The following MAP3K20 variants were observed in gnomAD, a reference collection of about 807,000 sequenced individuals.
The protein encoded by MAP3K20 is HCCS-4.
In MAP3K20, 40 loss-of-function variants were observed where a neutral mutation model predicts 85.7. That is an observed-to-expected ratio of 0.47 (90% CI 0.36 to 0.61). The LOEUF (loss-of-function observed/expected upper bound fraction) is 0.61, where lower values mean the gene tolerates loss of function less well. MAP3K20 is among the 20% of genes least tolerant of loss of function. The probability of loss-of-function intolerance (pLI) is 0.00; values close to 1 mark genes in which losing one functional copy is unlikely to be tolerated. For missense variants in MAP3K20, 817 were observed against 961.7 expected, an observed-to-expected ratio of 0.85 and a Z score of 1.99; for synonymous variants, 325 against 327.7, an observed-to-expected ratio of 0.99 and a Z score of 0.09.
intron 14 of MAP3K20, among the ~76,000 whole-genome samples, chr2:173,236,361 T>G (rs1009501034): frequency 6.6e-6 from 1 of 150,562 alleles, no homozygotes; most frequent in African/African-American, 2.4e-5. Flanking sequence ...AAAAGCCCTG[T>G]TGGAAGCAGC....
At chr2:173,247,752 TGATA>T (rs1254036432) in intron 16 of MAP3K20, among the ~76,000 whole-genome samples, 3 of 152,134 alleles carry the variant, frequency 2.0e-5, no homozygotes, top group Admixed American at 6.5e-5. Context: ...CTTTTGGAAG[TGATA>T]GATAAATGTT....
intron 2 of MAP3K20, among the ~76,000 whole-genome samples, chr2:173,125,510 G>GT (rs34139392): frequency 0.064 from 9,601 of 149,512 alleles, 593 homozygotes; most frequent in African/African-American, 0.17. Context: ...TGTTAGATGT[G>GT]TTTTTTTTTT....
intron 8 of MAP3K20, among the ~76,000 whole-genome samples, chr2:173,200,232 T>C (rs1691002900): frequency 6.6e-6 from 1 of 152,188 alleles, no homozygotes; most frequent in Non-Finnish European, 1.5e-5. Flanking sequence ...AGTTTCAACA[T>C]CATCATTTAA....
chr2:173,126,352 G>C (rs111867517), intron 2 of MAP3K20, among the ~76,000 whole-genome samples: 2 of 151,928 alleles, frequency 1.3e-5, no homozygotes, highest in African/African-American at 4.8e-5. Flanking sequence ...ACAAAGTAAC[G>C]ATGAATTTTT....
At chr2:173,226,425 A>G in intron 11 of MAP3K20, 1 of 985,488 alleles carries the variant, frequency 1.0e-6, no homozygotes, top group Non-Finnish European at 1.2e-6. Context: ...AATTTTCTAT[A>G]ATCAGGCACC....
intron 3 of MAP3K20, among the ~76,000 whole-genome samples, chr2:173,172,767 G>T (rs1320438992): frequency 6.6e-6 from 1 of 151,840 alleles, no homozygotes; most frequent in Non-Finnish European, 1.5e-5. Flanking sequence ...AAAGCCGAAA[G>T]AAAAGATACA....
At chr2:173,100,722 T>G (rs1687614088) in intron 2 of MAP3K20, among the ~76,000 whole-genome samples, 1 of 152,202 alleles carries the variant, frequency 6.6e-6, no homozygotes, top group South Asian at 2.1e-4. Context: ...CTTTTGTGCC[T>G]TTTAGACTGG....
At chr2:173,197,873 A>G in intron 7 of MAP3K20, 153 bp from the exon 8 acceptor site, 1 of 453,490 alleles carries the variant, frequency 2.2e-6, no homozygotes, top group Non-Finnish European at 3.8e-6. Flanking sequence ...ATATAGAAGA[A>G]GTTGTGTGCT....
intron 2 of MAP3K20, among the ~76,000 whole-genome samples, chr2:173,110,736 C>G (rs1475713108): frequency 3.9e-5 from 6 of 152,148 alleles, no homozygotes; most frequent in Admixed American, 3.9e-4. Context: ...TCATCCAGAT[C>G]ACTGCAAATG....
At chr2:173,130,790 C>A (rs1441022237) in intron 2 of MAP3K20, among the ~76,000 whole-genome samples, 2 of 152,112 alleles carry the variant, frequency 1.3e-5, no homozygotes, top group Non-Finnish European at 2.9e-5. Flanking sequence ...TAAAATGAGA[C>A]CAGCAGTGAG....
At chr2:173,077,924 A>G (rs1324855774) in intron 1 of MAP3K20, among the ~76,000 whole-genome samples, 2 of 152,254 alleles carry the variant, frequency 1.3e-5, no homozygotes, top group East Asian at 3.8e-4. Flanking sequence ...ACTTAGCACA[A>G]GAGTGAGTGT....
At chr2:173,207,561 A>C (rs913976853) in intron 9 of MAP3K20, 16 of 152,210 alleles carry the variant, frequency 1.1e-4, no homozygotes, top group African/African-American at 3.9e-4. Context: ...ATGTGATAAA[A>C]GATGTTGAAC....
At chr2:173,129,968 A>G (rs1293331574) in intron 2 of MAP3K20, among the ~76,000 whole-genome samples, 1 of 152,222 alleles carries the variant, frequency 6.6e-6, no homozygotes, top group Non-Finnish European at 1.5e-5. Flanking sequence ...AGGACTTGGG[A>G]AATCAATACT....
intron 16 of MAP3K20, among the ~76,000 whole-genome samples, chr2:173,240,604 G>A (rs897331057): frequency 9.2e-5 from 14 of 152,100 alleles, no homozygotes; most frequent in African/African-American, 3.1e-4. Flanking sequence ...TAATTATCAG[G>A]GAAATGCAAA....
At chr2:173,159,251 G>A (rs978494725) in intron 2 of MAP3K20, among the ~76,000 whole-genome samples, 2 of 152,102 alleles carry the variant, frequency 1.3e-5, no homozygotes, top group Admixed American at 6.6e-5. Flanking sequence ...TGATTGCTTC[G>A]ACCAAGTTGC....
At chr2:173,124,196 C>T (rs1688377187) in intron 2 of MAP3K20, among the ~76,000 whole-genome samples, 1 of 152,162 alleles carries the variant, frequency 6.6e-6, no homozygotes, top group South Asian at 2.1e-4. Flanking sequence ...TTTTGAGGGT[C>T]TGTAACCAGG....
intron 12 of MAP3K20, among the ~76,000 whole-genome samples, chr2:173,230,429 TC>T (rs989037515): frequency 2.0e-5 from 3 of 152,138 alleles, no homozygotes; most frequent in African/African-American, 7.2e-5. Context: ...CGGCTTTCCT[TC>T]CACCTCAGGC....
At chr2:173,234,178 G>A (rs1349929510) in intron 14 of MAP3K20, among the ~76,000 whole-genome samples, 1 of 152,134 alleles carries the variant, frequency 6.6e-6, no homozygotes, top group African/African-American at 2.4e-5. Flanking sequence ...CTTTGAAAAG[G>A]CCCAGTATTC....
At chr2:173,085,408 C>T (rs1687118612) in intron 1 of MAP3K20, among the ~76,000 whole-genome samples, 1 of 152,148 alleles carries the variant, frequency 6.6e-6, no homozygotes, top group Admixed American at 6.5e-5. Flanking sequence ...AGATTTCCTA[C>T]CTTCTTATGT....
Sources: gnomAD v4.1 joint callset for allele counts (sites outside exome capture counted in the v4.1 genomes callset) on GRCh38, gnomAD v4.1.1 for gene constraint, MANE v1.5 for transcripts, NCBI Gene and HGNC (gene_info 2026-07-23, HGNC 2026-07-21) for gene names.